The following NBEA variants were observed in gnomAD, a reference collection of about 807,000 sequenced individuals.
NBEA encodes the protein neurobeachin.
In NBEA, 44 loss-of-function variants were observed where a neutral mutation model predicts 343.4. That is an observed-to-expected ratio of 0.13 (90% CI 0.10 to 0.16). The LOEUF (loss-of-function observed/expected upper bound fraction) is 0.16. Among genes scored for constraint, NBEA ranks in the 10% least tolerant of loss-of-function variants. The pLI, the probability that NBEA is intolerant of heterozygous loss-of-function variation, is 1.00. For synonymous variants in NBEA, 1,175 were observed against 1,238.7 expected (o/e 0.95, Z 1.08); for missense variants, 2,555 against 3,631.3 (o/e 0.70, Z 7.62).
chr13:35,248,642 T>C (rs953219584), intron 34 of NBEA, among the ~76,000 whole-genome samples: 1 of 152,190 alleles, frequency 6.6e-6, no homozygotes, highest in Non-Finnish European at 1.5e-5. Context: ...CCCTTACTTA[T>C]ATGGTCAAAT....
intron 17 of NBEA, among the ~76,000 whole-genome samples, chr13:35,141,956 A>T (rs970348849): frequency 6.6e-6 from 1 of 152,326 alleles, no homozygotes; most frequent in Middle Eastern, 3.4e-3. Context: ...ATTTTAACCC[A>T]ATAAAATAAC....
At chr13:35,552,748 A>G (rs1001026163) in intron 43 of NBEA, among the ~76,000 whole-genome samples, 4 of 152,210 alleles carry the variant, frequency 2.6e-5, no homozygotes, top group Non-Finnish European at 5.9e-5. Context: ...TATGGCATGT[A>G]TAATTTCCCT....
At chr13:35,167,558 T>A (rs1012486559) in intron 24 of NBEA, among the ~76,000 whole-genome samples, 1 of 151,888 alleles carries the variant, frequency 6.6e-6, no homozygotes, top group East Asian at 1.9e-4. Context: ...TAAATTCATA[T>A]GTAGCATAGA....
intron 41 of NBEA, among the ~76,000 whole-genome samples, chr13:35,495,728 T>A (rs1209513133): frequency 6.6e-6 from 1 of 151,964 alleles, no homozygotes; most frequent in Non-Finnish European, 1.5e-5. Flanking sequence ...CATGGAACAT[T>A]CTCCAGGATA....
intron 34 of NBEA, among the ~76,000 whole-genome samples, chr13:35,254,674 C>T (rs1169373627): frequency 1.3e-5 from 2 of 151,730 alleles, no homozygotes; most frequent in African/African-American, 4.8e-5. Context: ...TAATTTTGTT[C>T]CTATTTTAAA....
Position 35,210,652 on chromosome 13 carries a change from C to T in NBEA, c.5522-401C>T, listed in dbSNP as rs886930189. 4.6e-5 allele frequency among the ~76,000 whole-genome samples: 7 copies of T among 152,070 alleles called. No individual in the cohort carries two copies. In the East Asian group the frequency reaches 7.7e-4, roughly 17 times the overall value. ...TAGATGCTTCAGTGCCACAAATTTA[C>T]GCTCAGATAGTTCACTCCAAACTAT... On this transcript the variant is annotated intron_variant, in intron 32 of 58. Coordinates refer to ENST00000379939, the MANE Select transcript of NBEA (RefSeq NM_001385012.1).
At chr13:35,317,155 T>G (rs2037795775) in intron 36 of NBEA, among the ~76,000 whole-genome samples, 1 of 152,222 alleles carries the variant, frequency 6.6e-6, no homozygotes, top group African/African-American at 2.4e-5. Flanking sequence ...TTGCCATTGC[T>G]TTTGGTGTTT....
chr13:35,156,697 A>C (rs981192855), intron 20 of NBEA, among the ~76,000 whole-genome samples: 1 of 152,178 alleles, frequency 6.6e-6, no homozygotes, highest in African/African-American at 2.4e-5. Context: ...TACTGTGTTC[A>C]GTGTAAGACT....
intron 17 of NBEA, among the ~76,000 whole-genome samples, chr13:35,137,143 G>C (rs1403822481): frequency 1.3e-5 from 2 of 152,090 alleles, no homozygotes; most frequent in Non-Finnish European, 2.9e-5. Context: ...GCCTCATAGA[G>C]ATTTTTAATT....
At chr13:34,946,943 A>T (rs2059203829) in intron 1 of NBEA, among the ~76,000 whole-genome samples, 1 of 150,888 alleles carries the variant, frequency 6.6e-6, no homozygotes, top group African/African-American at 2.4e-5. Flanking sequence ...CATTTTAAAG[A>T]TATTTAGAAT....
intron 1 of NBEA, among the ~76,000 whole-genome samples, chr13:35,014,269 C>A (rs1370797760): frequency 6.6e-6 from 1 of 152,068 alleles, no homozygotes; most frequent in Non-Finnish European, 1.5e-5. Flanking sequence ...TCTCTTTTTC[C>A]TTTACCTCAT....
chr13:35,365,194 G>A (rs1217955057), intron 38 of NBEA, among the ~76,000 whole-genome samples: 2 of 151,578 alleles, frequency 1.3e-5, no homozygotes, highest in Non-Finnish European at 3.0e-5. Flanking sequence ...TCAGAAGTAC[G>A]ATACTTTGTA....
At chr13:35,366,880 AG>A (rs1404018642) in intron 38 of NBEA, among the ~76,000 whole-genome samples, 1 of 151,426 alleles carries the variant, frequency 6.6e-6, no homozygotes, top group African/African-American at 2.4e-5. Flanking sequence ...CCTCTGAAAA[AG>A]TAAATACTAT....
rs150778993 is a variant in NBEA at position 35,475,314 on chromosome 13, C to T, written c.6585+2778C>T. On this transcript the variant is annotated intron_variant, in intron 41 of 58. Transcript: ENST00000379939. The stretch of plus-strand genomic sequence containing the variant: ...TTTCACACTCGTAGGAAACCAGAGT[C>T]TTCATATGGTAATTGTTCAAGGGCT... 4.2e-5 allele frequency: 67 copies of T among 1,614,028 alleles called. No individual in the cohort carries two copies. The African/African-American group carries it at 8.1e-4, about 20-fold the overall frequency.
rs370166583 is a variant in NBEA at position 34,950,560 on chromosome 13, A to C, written c.294+7446A>C. Among the ~76,000 whole-genome samples the C allele has an allele frequency of 3.2e-4, 48 of 151,122 alleles. No homozygotes were observed. In the East Asian group the frequency reaches 8.5e-3, roughly 27 times the overall value. On this transcript the variant is annotated intron_variant, in intron 1 of 58. Transcript: ENST00000379939. ...AAATTAAAAAATTTAGAATATTCTAATTTTCTAAATTAAATATTTAGAAAT... is the reference window on the plus strand; with the variant it reads ...AAATTAAAAAATTTAGAATATTCTACTTTTCTAAATTAAATATTTAGAAAT...
intron 34 of NBEA, among the ~76,000 whole-genome samples, chr13:35,282,667 C>T (rs1249848742): frequency 2.0e-5 from 3 of 152,164 alleles, no homozygotes; most frequent in African/African-American, 7.2e-5. Context: ...TCAGGTCAGT[C>T]ACCTTCTGTA....
At chr13:35,652,303 C>G (rs1171596246) in intron 53 of NBEA, among the ~76,000 whole-genome samples, 1 of 148,990 alleles carries the variant, frequency 6.7e-6, no homozygotes, top group East Asian at 2.0e-4. Context: ...ATGTAACAAA[C>G]CTGCACATTG....
intron 36 of NBEA, among the ~76,000 whole-genome samples, chr13:35,332,439 G>A (rs1205324021): frequency 6.6e-6 from 1 of 152,212 alleles, no homozygotes. Context: ...GAAGGTTAGA[G>A]AAGTAGACAG....
At position 35,139,744 on chromosome 13, in the gene NBEA, G is replaced by GTTTTTTTTTT. The variant is rs36117821; in HGVS notation, c.2337-2506_2337-2497dup. On this transcript the variant is annotated intron_variant, in intron 17 of 58. Transcript: ENST00000379939. Reference sequence around the variant, plus strand: ...TTTCCTGCCTAAGATGATGGATGGCGTTTTTTTTTTTTTTTTTTTTTTTTT... The same window carrying GTTTTTTTTTT: ...TTTCCTGCCTAAGATGATGGATGGCGTTTTTTTTTTTTTTTTTTTTTTTTTTTTTTTTTTT... Among the ~76,000 whole-genome samples, 30 of 61,114 alleles carry GTTTTTTTTTT rather than the reference G, an allele frequency of 4.9e-4. 3 individuals are homozygous for GTTTTTTTTTT. Among genetic ancestry groups the GTTTTTTTTTT allele is most frequent in the African/African-American group, 6.1e-4 (8 of 13,034 alleles). The allele number at this position is 61,114 out of a possible 152,430, so 40.1% of individuals were successfully genotyped here.
Sources: gnomAD v4.1 joint callset for allele counts (sites outside exome capture counted in the v4.1 genomes callset) on GRCh38, gnomAD v4.1.1 for gene constraint, MANE v1.5 for transcripts, NCBI Gene and HGNC (gene_info 2026-07-23, HGNC 2026-07-21) for gene names.